The following SPATA6 variants were observed in gnomAD, a reference collection of about 807,000 sequenced individuals.
SPATA6 encodes the protein spermatogenesis-associated protein 6.
Under a neutral mutation model 65.3 loss-of-function variants are expected in SPATA6, and 56 were observed. The ratio of observed to expected loss-of-function variants is 0.86; its 90% CI spans 0.69 to 1.07. SPATA6 has a LOEUF of 1.07. SPATA6 is among the 50% of genes least tolerant of loss of function. SPATA6 has a pLI of 0.00. For missense variants in SPATA6, 590 were observed against 594.8 expected, an observed-to-expected ratio of 0.99 and a Z score of 0.08; for synonymous variants, 199 against 213.2, an observed-to-expected ratio of 0.93 and a Z score of 0.58.
chr1:48,287,105 G>T, the SPATA6 span, among the ~76,000 whole-genome samples: 1 of 151,930 alleles, frequency 6.6e-6, no homozygotes, highest in Non-Finnish European at 1.5e-5. Flanking sequence ...AAGGATAGTG[G>T]CATCTGCTTC....
At chr1:48,422,459 C>T (rs1209854811) in intron 3 of SPATA6, among the ~76,000 whole-genome samples, 2 of 152,098 alleles carry the variant, frequency 1.3e-5, no homozygotes, top group Non-Finnish European at 2.9e-5. Context: ...CAGGGTCTAC[C>T]AAGAAGAGGA....
intron 11 of SPATA6, 64 bp downstream of exon 11, chr1:48,355,606 G>T: frequency 1.8e-6 from 2 of 1,122,216 alleles, no homozygotes; most frequent in Non-Finnish European, 2.6e-6. Context: ...TAAGCTTTAG[G>T]CATCTTTGGT....
chr1:48,366,245 C>T (rs983457649), intron 9 of SPATA6, among the ~76,000 whole-genome samples: 2 of 152,116 alleles, frequency 1.3e-5, no homozygotes, highest in Admixed American at 1.3e-4. Context: ...GGATATTGGT[C>T]TAAAATTCTC....
intron 9 of SPATA6, among the ~76,000 whole-genome samples, chr1:48,361,666 T>C (rs1052887914): frequency 4.6e-5 from 7 of 152,202 alleles, no homozygotes; most frequent in African/African-American, 1.7e-4. Context: ...CTCAGACTCA[T>C]TTCCCTCACA....
the SPATA6 span, among the ~76,000 whole-genome samples, chr1:48,283,693 A>AGAAAGAAAGAAAGAAAGAAAGAAAGAAAG: frequency 2.2e-3 from 17 of 7,858 alleles, no homozygotes; most frequent in East Asian, 7.0e-3. Flanking sequence ...AAAAAAAAAA[A>AGAAAGAAAGAAAGAAAGAAAGAAAGAAAG]AAAAAAAGAA....
intron 11 of SPATA6, among the ~76,000 whole-genome samples, chr1:48,317,061 C>G (rs1645449914): frequency 6.6e-6 from 1 of 152,190 alleles, no homozygotes; most frequent in African/African-American, 2.4e-5. Context: ...GAAATAGGAA[C>G]ACTTTTACAC....
At chr1:48,365,194 T>G (rs971281757) in intron 9 of SPATA6, among the ~76,000 whole-genome samples, 14 of 152,234 alleles carry the variant, frequency 9.2e-5, no homozygotes, top group Admixed American at 6.5e-5. Context: ...CTGTTTTGGT[T>G]ACTGTAGCCT....
rs1425508393 is a variant in SPATA6, at chr1:48,453,082, C to T, written c.101G>A (p.Ser34Asn). The T allele has an allele frequency of 6.2e-7, 1 of 1,613,760 alleles. No individual in the cohort carries two copies. Among genetic ancestry groups the T allele is most frequent in the Non-Finnish European group, 8.5e-7 (1 of 1,179,972 alleles). Residue 34 changes from serine (S) to asparagine (N), a missense_variant, in exon 2 of 13, where the codon AGC becomes AAC. Transcript: ENST00000371847. ...VLKDKEDIYL[S>N]ICVFGQYKKT... The stretch of plus-strand genomic sequence containing the variant: ...TTTGTATTGGCCAAACACACAGATG[C>T]TAAGATAGATGTCCTCTTTGTCTTT...
the SPATA6 span, among the ~76,000 whole-genome samples, chr1:48,271,536 A>C: frequency 6.6e-6 from 1 of 152,114 alleles, no homozygotes; most frequent in African/African-American, 2.4e-5. Context: ...TCCAAATAGA[A>C]ATAGGCTTTG....
chr1:48,261,757 T>C, the SPATA6 span, among the ~76,000 whole-genome samples: 2 of 152,106 alleles, frequency 1.3e-5, no homozygotes, highest in Non-Finnish European at 2.9e-5. Flanking sequence ...ATACAAAGAA[T>C]TGCAATTTCT....
chr1:48,360,702 G>C (rs555357313), intron 9 of SPATA6, among the ~76,000 whole-genome samples: 5 of 152,238 alleles, frequency 3.3e-5, no homozygotes, highest in Middle Eastern at 6.8e-3. Context: ...GGACATCCCA[G>C]GCTATTATAT....
intron 9 of SPATA6, among the ~76,000 whole-genome samples, chr1:48,362,351 G>A (rs927157580): frequency 1.3e-5 from 2 of 152,114 alleles, no homozygotes; most frequent in African/African-American, 4.8e-5. Flanking sequence ...CAATTGGCCT[G>A]GATTATTTTC....
At chr1:48,336,747 A>G (rs1029399895) in intron 11 of SPATA6, among the ~76,000 whole-genome samples, 6 of 151,926 alleles carry the variant, frequency 3.9e-5, no homozygotes, top group East Asian at 1.9e-4. Flanking sequence ...ATTTACCTAT[A>G]TAACAAATCT....
intron 11 of SPATA6, among the ~76,000 whole-genome samples, chr1:48,346,348 C>T (rs1410020783): frequency 1.3e-5 from 2 of 151,924 alleles, no homozygotes; most frequent in Non-Finnish European, 2.9e-5. Context: ...AAGCCATATA[C>T]AACAAACTGA....
chr1:48,391,439 T>C (rs1650060802), intron 8 of SPATA6, among the ~76,000 whole-genome samples: 1 of 152,062 alleles, frequency 6.6e-6, no homozygotes, highest in Non-Finnish European at 1.5e-5. Context: ...GGAAATAGTA[T>C]GTATTTCCTG....
At chr1:48,370,983 C>G (rs185286938) in intron 9 of SPATA6, among the ~76,000 whole-genome samples, 1 of 152,250 alleles carries the variant, frequency 6.6e-6, no homozygotes, top group Non-Finnish European at 1.5e-5. Flanking sequence ...ATAATGTGAT[C>G]ACAACAATGC....
intron 5 of SPATA6, among the ~76,000 whole-genome samples, chr1:48,409,228 C>G (rs539125073): frequency 6.6e-6 from 1 of 152,322 alleles, no homozygotes; most frequent in South Asian, 2.1e-4. Context: ...GGGCTACAGG[C>G]CCCATGCAAG....
intron 3 of SPATA6, among the ~76,000 whole-genome samples, chr1:48,439,280 C>T (rs1478490820): frequency 1.3e-5 from 2 of 152,184 alleles, no homozygotes; most frequent in East Asian, 3.9e-4. Context: ...CTAAATCTGA[C>T]CTTCCTCAGT....
chr1:48,448,480 G>A (rs1455094155), intron 3 of SPATA6, among the ~76,000 whole-genome samples: 1 of 144,128 alleles, frequency 6.9e-6, no homozygotes, highest in Non-Finnish European at 1.5e-5. Context: ...AGTTTATTCA[G>A]TGTCCCCACA....
Sources: allele counts gnomAD v4.1 joint callset (sites outside exome capture counted in the v4.1 genomes callset), GRCh38; gene constraint gnomAD v4.1.1; transcripts MANE v1.5; gene names NCBI Gene and HGNC (gene_info 2026-07-23, HGNC 2026-07-21).